The following ZNF566 variants were observed in gnomAD, a reference collection of about 807,000 sequenced individuals.
The protein encoded by ZNF566 is zinc finger protein 566.
Under a neutral mutation model 32.8 loss-of-function variants are expected in ZNF566, and 27 were observed. The ratio of observed to expected loss-of-function variants is 0.82; its 90% CI spans 0.61 to 1.14. The LOEUF (loss-of-function observed/expected upper bound fraction) is 1.14, where lower values mean the gene tolerates loss of function less well. Among genes scored for constraint, ZNF566 ranks in the 50% most tolerant of loss-of-function variants. The pLI is 0.00. For synonymous variants in ZNF566, 154 were observed against 159.5 expected (o/e 0.97, Z 0.26); for missense variants, 402 against 490.4 (o/e 0.82, Z 1.70).
In ZNF566 at chr19:36,476,593, CTCT is replaced by C. The variant is rs756752650; in HGVS notation, c.-39_-37del. On this transcript the variant is annotated 5_prime_UTR_variant, in exon 2 of 5. Coordinates refer to ENST00000452939, the MANE Select transcript of ZNF566 (RefSeq NM_001145344.1). Reference sequence around the variant, plus strand: ...TTTGTAGAAAAGGACCTTCTCTTGGCTCTTCTTTTGGAGAAGGGTAGAGCTGGG... The same window carrying C: ...TTTGTAGAAAAGGACCTTCTCTTGGCTCTTTTGGAGAAGGGTAGAGCTGGG... 13 of 1,613,136 alleles carry C rather than the reference CTCT, an allele frequency of 8.1e-6. No individual in the cohort carries two copies. Among genetic ancestry groups the C allele is most frequent in the African/African-American group, 5.3e-5 (4 of 74,906 alleles).
chr19:36,473,521 G>A lies in ZNF566; in HGVS notation c.10-63C>T, dbSNP rs1385100595. 3 of 1,454,054 alleles carry A rather than the reference G, an allele frequency of 2.1e-6. No individual in the cohort carries two copies. The African/African-American group carries it at 4.3e-5, about 21-fold the overall frequency. The allele number at this position is 1,454,054 out of a possible 1,614,324, so 90.1% of individuals were successfully genotyped here. On this transcript the variant is annotated intron_variant, in intron 2 of 4. Coordinates refer to ENST00000452939, the MANE Select transcript of ZNF566 (RefSeq NM_001145344.1). ...TTAAAAAGTACTTTTGTGAAGGAAA[G>A]AGAGAAGAAAAAGATTAAGGTAGAG...
chr19:36,481,374 G>C (rs8103917), intron 1 of ZNF566, among the ~76,000 whole-genome samples: 30,052 of 151,492 alleles, frequency 0.2, 3,131 homozygotes, highest in Non-Finnish European at 0.23. Context: ...AGGAGGCTGA[G>C]GCAGGAGAAT....
At chr19:36,472,772 C>T (rs1392111547) in intron 4 of ZNF566, 139 bp downstream of exon 4, 3 of 635,960 alleles carry the variant, frequency 4.7e-6, no homozygotes, top group Non-Finnish European at 8.2e-6. Flanking sequence ...AAGGTAGGAT[C>T]ATTTGAAAGC....
At chr19:36,483,032 A>G (rs2034073631) in intron 1 of ZNF566, among the ~76,000 whole-genome samples, 1 of 152,200 alleles carries the variant, frequency 6.6e-6, no homozygotes, top group African/African-American at 2.4e-5. Flanking sequence ...AATCAGTACC[A>G]TGAGAATGTA....
intron 4 of ZNF566, among the ~76,000 whole-genome samples, chr19:36,468,082 G>A (rs543702866): frequency 2.6e-4 from 39 of 150,828 alleles, no homozygotes; most frequent in Non-Finnish European, 5.4e-4. Flanking sequence ...CTACTTCGGA[G>A]GCTGAGGCAG....
intron 4 of ZNF566, among the ~76,000 whole-genome samples, chr19:36,468,873 T>C (rs927926396): frequency 6.7e-6 from 1 of 150,332 alleles, no homozygotes; most frequent in African/African-American, 2.5e-5. Flanking sequence ...GCCGTGATAG[T>C]GCCACTGCCC....
Position 36,476,726 on chromosome 19 carries a change from T to A in ZNF566, c.-59-110A>T. 3.6e-6 allele frequency: 3 copies of A among 824,032 alleles called. No homozygotes were observed. The South Asian group carries it at 6.2e-5, about 17-fold the overall frequency. 51.0% of individuals were successfully genotyped at this position (824,032 alleles called of 1,614,324 possible). On this transcript the variant is annotated intron_variant, in intron 1 of 4. Transcript: ENST00000452939. ...TTCAGAAATGCTTGTGGGGTATCAG[T>A]GAGGAGAATGGGCAAATGTCTCTAT...
chr19:36,467,502 G>T (rs1345277601), intron 4 of ZNF566, among the ~76,000 whole-genome samples: 1 of 148,238 alleles, frequency 6.7e-6, no homozygotes, highest in East Asian at 2.0e-4. Context: ...AACTCATCAG[G>T]AAAGAAAAAT....
In ZNF566 at chr19:36,449,911, A is replaced by C. The variant is rs1568508076; in HGVS notation, c.323T>G (p.Leu108Arg). The change falls in exon 5 of 5, where the codon CTC becomes CGC. Residue 108 changes from leucine to arginine, a missense_variant. Leu to Arg is a moderately radical substitution (Grantham distance 102, BLOSUM62 -2). This residue lies in a region of ZNF566 where 220 missense variants were observed against 241.9 expected (regional missense o/e 0.91). Coordinates refer to ENST00000452939, the MANE Select transcript of ZNF566 (RefSeq NM_001145344.1). ...ESTQWEIMEK[L>R]TRRDFQCSSF... Reference sequence around the variant, plus strand: ...GGAGCACTGAAAATCACGTCTTGTGAGTTTTTCCATTATTTCCCACTGGGT... The same window carrying C: ...GGAGCACTGAAAATCACGTCTTGTGCGTTTTTCCATTATTTCCCACTGGGT... The C allele has an allele frequency of 1.2e-6, 2 of 1,613,934 alleles. No homozygotes were observed. Among genetic ancestry groups the C allele is most frequent in the Non-Finnish European group, 1.7e-6 (2 of 1,179,954 alleles).
Position 36,449,928 on chromosome 19 carries a change from C to A in ZNF566, c.306G>T (p.Trp102Cys), listed in dbSNP as rs796842753. ...GTCTTGTGAGTTTTTCCATTATTTC[C>A]CACTGGGTTGATTCTATTTCATAAA... ...KEIYEIESTQ[W>C]EIMEKLTRRD... is the part of the protein sequence containing the mutation. The change falls in exon 5 of 5, where the codon TGG becomes TGT. Residue 102 changes from tryptophan (W) to cysteine (C), a missense_variant. Physicochemically the swap from Trp to Cys is radical, Grantham distance 215. Coordinates refer to ENST00000452939, the MANE Select transcript of ZNF566 (RefSeq NM_001145344.1). 2.5e-6 allele frequency: 4 copies of A among 1,613,908 alleles called. No homozygotes were observed. The highest frequency in any genetic ancestry group is 1.3e-5 in the African/African-American group (1 of 75,020).
At chr19:36,484,587 C>CTTTTT (rs34052223) in intron 1 of ZNF566, among the ~76,000 whole-genome samples, 18 of 111,900 alleles carry the variant, frequency 1.6e-4, no homozygotes, top group Non-Finnish European at 2.4e-4. Flanking sequence ...GGCATAGTTT[C>CTTTTT]TTTTTTTTTT....
At chr19:36,454,407 G>A (rs757417988) in intron 4 of ZNF566, among the ~76,000 whole-genome samples, 2 of 152,098 alleles carry the variant, frequency 1.3e-5, no homozygotes, top group Non-Finnish European at 2.9e-5. Flanking sequence ...GTCAGGATTA[G>A]CTCGGCAGAG....
chr19:36,446,887 T>C lies in ZNF566; in HGVS notation c.*2090A>G, dbSNP rs2033007418. 6.6e-6 allele frequency: 1 copy of C among 152,232 alleles called. No individual in the cohort carries two copies. The highest frequency in any genetic ancestry group is 2.1e-4 in the South Asian group (1 of 4,824). 9.4% of individuals were successfully genotyped at this position (152,232 alleles called of 1,614,324 possible). A position where few individuals can be genotyped will look rare whatever the true frequency, so the allele number is the denominator to read the frequency against. On this transcript the variant is annotated 3_prime_UTR_variant, in exon 5 of 5. Coordinates refer to ENST00000452939, the MANE Select transcript of ZNF566 (RefSeq NM_001145344.1). ...GAAGTGGGGCATAAAATAACAGTTC[T>C]ACAGACATAAACTTCATCCTTCCAC...
intron 1 of ZNF566, among the ~76,000 whole-genome samples, chr19:36,477,969 G>A (rs1423539512): frequency 2.0e-5 from 3 of 151,922 alleles, no homozygotes; most frequent in Admixed American, 1.3e-4. Flanking sequence ...TTGGTGTTTT[G>A]CTTATTAGCT....
At chr19:36,475,707 C>CG (rs1600169466) in intron 2 of ZNF566, among the ~76,000 whole-genome samples, 2 of 151,798 alleles carry the variant, frequency 1.3e-5, no homozygotes, top group East Asian at 1.9e-4. Flanking sequence ...TGTTTAAAAG[C>CG]GGGGGGCGGC....
chr19:36,453,149 A>C (rs559855836), intron 4 of ZNF566, among the ~76,000 whole-genome samples: 2 of 149,842 alleles, frequency 1.3e-5, no homozygotes, highest in African/African-American at 4.9e-5. Flanking sequence ...AAAAACAAAC[A>C]AAAAAAAAGT....
intron 4 of ZNF566, among the ~76,000 whole-genome samples, chr19:36,467,211 G>A (rs1238989751): frequency 4.0e-5 from 6 of 149,854 alleles, no homozygotes; most frequent in East Asian, 4.0e-4. Flanking sequence ...CGAGACAGGC[G>A]GATCACGAGG....
chr19:36,466,589 A>G (rs771728479), intron 4 of ZNF566, among the ~76,000 whole-genome samples: 8 of 152,206 alleles, frequency 5.3e-5, no homozygotes, highest in Admixed American at 2.0e-4. Context: ...CTGAGTCCCT[A>G]CGAGTGTGAA....
chr19:36,467,395 G>A (rs10409996), intron 4 of ZNF566, among the ~76,000 whole-genome samples: 14,584 of 142,676 alleles, frequency 0.1, 938 homozygotes, highest in African/African-American at 0.17. Flanking sequence ...AGATCGCACC[G>A]CTGCACTCCA....
Sources: allele counts gnomAD v4.1 joint callset (sites outside exome capture counted in the v4.1 genomes callset), GRCh38; gene constraint gnomAD v4.1.1; regional missense constraint gnomAD v4.1.1; transcripts MANE v1.5; gene names NCBI Gene and HGNC (gene_info 2026-07-23, HGNC 2026-07-21).